DNAH6: variants seen among roughly 807,000 people sequenced by gnomAD.
The protein encoded by DNAH6 is dynein axonemal heavy chain 6.
In DNAH6, 340 loss-of-function variants were observed where a neutral mutation model predicts 491.4. The ratio of observed to expected loss-of-function variants is 0.69; its 90% CI spans 0.63 to 0.76. The LOEUF (loss-of-function observed/expected upper bound fraction) is 0.76. DNAH6 is among the 30% of genes least tolerant of loss of function. The pLI is 0.00. For missense variants in DNAH6, 4,443 were observed against 4,972.2 expected, an observed-to-expected ratio of 0.89 and a Z score of 3.20; for synonymous variants, 1,603 against 1,686.1, an observed-to-expected ratio of 0.95 and a Z score of 1.21.
intron 62 of DNAH6, among the ~76,000 whole-genome samples, chr2:84,742,260 C>G (rs892215010): frequency 4.1e-4 from 62 of 152,226 alleles, no homozygotes; most frequent in African/African-American, 1.4e-3. Flanking sequence ...TCTTTACTTT[C>G]CATTTTTTGT....
intron 67 of DNAH6, among the ~76,000 whole-genome samples, chr2:84,786,424 C>CAA (rs34307388): frequency 2.4e-3 from 209 of 88,600 alleles, no homozygotes; most frequent in African/African-American, 6.7e-3. Context: ...GACTCTGTCT[C>CAA]AAAAAAAAAA....
At chr2:84,525,427 A>G (rs1020280522) in intron 2 of DNAH6, 138 bp from the exon 3 acceptor site, 5 of 812,970 alleles carry the variant, frequency 6.2e-6, no homozygotes, top group Middle Eastern at 3.6e-4. Flanking sequence ...GTAGTTAACT[A>G]TTAGGACTGC....
chr2:84,506,527 ACTCTGATGGTGGTTT>A, the DNAH6 span, among the ~76,000 whole-genome samples: 6 of 151,680 alleles, frequency 4.0e-5, no homozygotes, highest in Non-Finnish European at 7.4e-5. Flanking sequence ...TTGCCTGTTC[ACTCTGATGGTGGTTT>A]CTTTTGCTGT....
intron 42 of DNAH6, among the ~76,000 whole-genome samples, chr2:84,683,903 A>G (rs951392613): frequency 3.4e-4 from 51 of 152,142 alleles, no homozygotes; most frequent in African/African-American, 1.2e-3. Flanking sequence ...TTGTGCATTA[A>G]CAAGTCTGGG....
At chr2:84,765,128 TAAAC>T (rs541499773) in intron 64 of DNAH6, among the ~76,000 whole-genome samples, 8 of 152,240 alleles carry the variant, frequency 5.3e-5, no homozygotes, top group Non-Finnish European at 8.8e-5. Flanking sequence ...GTAAAATTAT[TAAAC>T]AAGCAAATAA....
chr2:84,772,587 C>A (rs369872071), intron 64 of DNAH6, among the ~76,000 whole-genome samples: 1 of 151,934 alleles, frequency 6.6e-6, no homozygotes, highest in East Asian at 1.9e-4. Flanking sequence ...AGACAATCAT[C>A]AAAAAGACAT....
chr2:84,516,803 T>C (rs1675638603), intron 1 of DNAH6, among the ~76,000 whole-genome samples: 1 of 152,222 alleles, frequency 6.6e-6, no homozygotes, highest in Admixed American at 6.5e-5. Flanking sequence ...TGGTCAAATC[T>C]GGACCTGCGC....
At chr2:84,794,512 G>A (rs1383187700) in intron 68 of DNAH6, among the ~76,000 whole-genome samples, 2 of 150,462 alleles carry the variant, frequency 1.3e-5, no homozygotes, top group Non-Finnish European at 1.5e-5. Context: ...CAAAAAGTGG[G>A]CAAAGGACAT....
At chr2:84,611,421 A>G (rs184142890) in intron 21 of DNAH6, among the ~76,000 whole-genome samples, 1 of 152,024 alleles carries the variant, frequency 6.6e-6, no homozygotes, top group African/African-American at 2.4e-5. Flanking sequence ...TATTTTAATC[A>G]TGTTTCTCTG....
intron 58 of DNAH6, among the ~76,000 whole-genome samples, chr2:84,716,074 A>AAT (rs1350313340): frequency 2.0e-5 from 3 of 151,634 alleles, no homozygotes; most frequent in African/African-American, 7.3e-5. Context: ...GTCCACTTCA[A>AAT]ATATATGTGT....
intron 12 of DNAH6, among the ~76,000 whole-genome samples, chr2:84,576,941 A>G (rs1210628538): frequency 1.3e-5 from 2 of 152,138 alleles, no homozygotes; most frequent in Non-Finnish European, 2.9e-5. Flanking sequence ...CTTGAAACCA[A>G]CCTAACTCTG....
chr2:84,603,097 T>C lies in DNAH6; in HGVS notation c.2869-1242T>C, dbSNP rs76068740. Among the ~76,000 whole-genome samples, 1,031 of 152,234 alleles carry C rather than the reference T, an allele frequency of 6.8e-3. 14 individuals are homozygous for C. The highest frequency in any genetic ancestry group is 0.023 in the African/African-American group (956 of 41,548). ...TTCCAACATGTGTGTCATTTCTGGG[T>C]CTGATTATTGCCTTGCCTCTTAGAT... On this transcript the variant is annotated intron_variant, in intron 18 of 76. Coordinates refer to ENST00000389394, the MANE Select transcript of DNAH6 (RefSeq NM_001370.2).
the DNAH6 span, among the ~76,000 whole-genome samples, chr2:84,467,066 A>G: frequency 6.6e-6 from 1 of 152,348 alleles, no homozygotes; most frequent in South Asian, 2.1e-4. Context: ...GCTCTAAGAA[A>G]AACCTGGTTT....
At chr2:84,499,611 C>G in the DNAH6 span, among the ~76,000 whole-genome samples, 1 of 152,140 alleles carries the variant, frequency 6.6e-6, no homozygotes, top group African/African-American at 2.4e-5. Context: ...TTTGAGGAAC[C>G]TCCAAACAGT....
chr2:84,464,181 T>G, the DNAH6 span, among the ~76,000 whole-genome samples: 2 of 152,228 alleles, frequency 1.3e-5, no homozygotes, highest in African/African-American at 4.8e-5. Context: ...CATCATTTAC[T>G]CCTACTTTGA....
chr2:84,680,211 A>G (rs1221540622), intron 41 of DNAH6, among the ~76,000 whole-genome samples: 1 of 152,238 alleles, frequency 6.6e-6, no homozygotes, highest in Non-Finnish European at 1.5e-5. Context: ...GATCTCATAT[A>G]TGACACCAAA....
rs758419087 is a variant in DNAH6 at position 84,654,721 on chromosome 2, A to T, written c.5696A>T (p.Asp1899Val). ...AGTCGATGTGGAATGGTGTTTGTGG[A>T]TCCTGAAGAACTGAAATGGATGCCT... ...TVSRCGMVFV[D>V]PEELKWMPYV... is the part of the protein sequence containing the mutation. Residue 1899 changes from aspartate (D) to valine (V), a missense_variant, in exon 35 of 77, where the codon GAT becomes GTT. By Grantham distance (152) the Asp-to-Val change is radical. Around this residue, in one of 3 missense-constraint regions of DNAH6, gnomAD observed 2,977 missense variants for 3,296.6 expected, o/e 0.90. Transcript: ENST00000389394. The T allele has an allele frequency of 1.9e-6, 3 of 1,551,262 alleles. No individual in the cohort carries two copies. The South Asian group carries it at 3.6e-5, about 18-fold the overall frequency.
Position 84,624,373 on chromosome 2 carries a change from G to A in DNAH6, c.4180G>A (p.Glu1394Lys). ...TGTGCATGCAAGAGATATAGTCACT[G>A]AACTTGTTCAATCCAAGGTAACTGT... ...IDVHARDIVTELVQSKVETVE... is the reference protein window; with the variant it reads ...IDVHARDIVTKLVQSKVETVE... Residue 1394 changes from glutamate (E) to lysine (K), a missense_variant, in exon 27 of 77, where the codon GAA (glutamate) becomes AAA (lysine). Coordinates refer to ENST00000389394, the MANE Select transcript of DNAH6 (RefSeq NM_001370.2). The A allele has an allele frequency of 1.3e-6, 2 of 1,550,542 alleles. No homozygotes were observed. Among genetic ancestry groups the A allele is most frequent in the Non-Finnish European group, 1.7e-6 (2 of 1,146,616 alleles).
At chr2:84,484,049 C>T in the DNAH6 span, among the ~76,000 whole-genome samples, 1 of 152,018 alleles carries the variant, frequency 6.6e-6, no homozygotes. Context: ...GTGTTTTTGC[C>T]CATGGTGTTT....
Sources: gnomAD v4.1 joint callset for allele counts (sites outside exome capture counted in the v4.1 genomes callset) on GRCh38, gnomAD v4.1.1 for gene constraint, gnomAD v4.1.1 regional missense constraint, MANE v1.5 for transcripts, NCBI Gene and HGNC (gene_info 2026-07-23, HGNC 2026-07-21) for gene names.